The following CSMD1 variants were observed in gnomAD, a reference collection of about 807,000 sequenced individuals.
CSMD1 encodes the protein CUB and Sushi multiple domains 1.
CSMD1 carries 213 observed loss-of-function variants against 417.5 expected under a neutral mutation model. The ratio of observed to expected loss-of-function variants is 0.51; its 90% confidence interval spans 0.46 to 0.57. The LOEUF is 0.57. Among genes scored for constraint, CSMD1 ranks in the 20% least tolerant of loss-of-function variants. The pLI is 0.00. For missense variants in CSMD1, 6,923 were observed against 4,529.7 expected (o/e 1.53, Z -15.17); for synonymous variants, 2,862 against 1,736.8 (o/e 1.65, Z -16.11).
At chr8:4,813,499 T>C (rs1031862373) in intron 1 of CSMD1, among the ~76,000 whole-genome samples, 2 of 152,204 alleles carry the variant, frequency 1.3e-5, no homozygotes, top group Non-Finnish European at 2.9e-5. Flanking sequence ...GCTGTCTGAT[T>C]TGCTTTTTAT....
At chr8:4,155,378 G>C (rs541436885) in intron 3 of CSMD1, among the ~76,000 whole-genome samples, 30 of 152,178 alleles carry the variant, frequency 2.0e-4, no homozygotes, top group Non-Finnish European at 3.8e-4. Context: ...CTAATGCTCT[G>C]CTGTAGATCA....
chr8:4,090,338 C>T (rs967596780), intron 3 of CSMD1, among the ~76,000 whole-genome samples: 1 of 152,138 alleles, frequency 6.6e-6, no homozygotes, highest in Non-Finnish European at 1.5e-5. Flanking sequence ...AAACATGAGT[C>T]ATTATCTATC....
At chr8:3,507,413 A>G (rs141999920) in intron 10 of CSMD1, among the ~76,000 whole-genome samples, 9,070 of 152,222 alleles carry the variant, frequency 0.06, 682 homozygotes, top group East Asian at 0.2. Flanking sequence ...ATTGTTGGAC[A>G]TTTGGGTTGG....
intron 3 of CSMD1, among the ~76,000 whole-genome samples, chr8:4,097,257 C>T (rs1404771881): frequency 6.6e-6 from 1 of 152,064 alleles, no homozygotes; most frequent in East Asian, 1.9e-4. Context: ...AACTGGAAAT[C>T]AGAAAACTAG....
chr8:3,019,233 T>A (rs899421675), intron 51 of CSMD1, among the ~76,000 whole-genome samples: 7 of 152,086 alleles, frequency 4.6e-5, no homozygotes, highest in Non-Finnish European at 5.9e-5. Flanking sequence ...AATGTTATTT[T>A]TATTACCATC....
At chr8:4,627,189 C>T (rs1319439673) in intron 2 of CSMD1, among the ~76,000 whole-genome samples, 3 of 152,092 alleles carry the variant, frequency 2.0e-5, no homozygotes, top group Non-Finnish European at 4.4e-5. Flanking sequence ...TTTAGCTACT[C>T]TTAGAGGTTG....
At chr8:4,538,118 G>C (rs1403513729) in intron 2 of CSMD1, among the ~76,000 whole-genome samples, 1 of 151,788 alleles carries the variant, frequency 6.6e-6, no homozygotes, top group Non-Finnish European at 1.5e-5. Context: ...AAATAAAATA[G>C]ACCAGAGCCT....
intron 1 of CSMD1, among the ~76,000 whole-genome samples, chr8:4,832,133 T>A (rs1403484991): frequency 6.6e-6 from 1 of 152,178 alleles, no homozygotes; most frequent in Non-Finnish European, 1.5e-5. Flanking sequence ...GGCATGTATC[T>A]CTGTTTTCCT....
chr8:3,722,913 T>TTG (rs33949649), intron 6 of CSMD1, among the ~76,000 whole-genome samples: 108,900 of 151,636 alleles, frequency 0.72, 39,726 homozygotes, highest in South Asian at 0.85. Context: ...TAGCAAACTA[T>TTG]TGTGTGTGTG....
intron 2 of CSMD1, among the ~76,000 whole-genome samples, chr8:4,440,929 G>A (rs919347905): frequency 6.0e-5 from 9 of 150,940 alleles, no homozygotes; most frequent in African/African-American, 9.8e-5. Context: ...CCCGGGAGGC[G>A]GAGGTTGCAG....
At chr8:3,312,980 T>C (rs1805466301) in intron 23 of CSMD1, among the ~76,000 whole-genome samples, 1 of 152,232 alleles carries the variant, frequency 6.6e-6, no homozygotes, top group African/African-American at 2.4e-5. Context: ...CATTGTTTCC[T>C]AAAAATGTCA....
chr8:4,753,028 C>G (rs956517984), intron 1 of CSMD1, among the ~76,000 whole-genome samples: 2 of 152,124 alleles, frequency 1.3e-5, no homozygotes, highest in Non-Finnish European at 2.9e-5. Flanking sequence ...TTATCCAATG[C>G]ATAATAAGAG....
At chr8:4,585,840 T>C (rs995695381) in intron 2 of CSMD1, among the ~76,000 whole-genome samples, 3 of 152,134 alleles carry the variant, frequency 2.0e-5, no homozygotes, top group Non-Finnish European at 4.4e-5. Context: ...TCAGGTCGAA[T>C]AAAAATTATA....
At chr8:4,258,701 A>G (rs935561749) in intron 3 of CSMD1, among the ~76,000 whole-genome samples, 1 of 151,918 alleles carries the variant, frequency 6.6e-6, no homozygotes, top group African/African-American at 2.4e-5. Flanking sequence ...TCCAAATACC[A>G]TCACACTGGG....
chr8:3,709,683 T>TTTTTTTGTTTTTTTTTTTGTTTTTTTTTG (rs1801390683), intron 6 of CSMD1, among the ~76,000 whole-genome samples: 1 of 102,372 alleles, frequency 9.8e-6, no homozygotes, highest in African/African-American at 3.7e-5. Flanking sequence ...GCAGCATGTT[T>TTTTTTTGTTTTTTTTTTTGTTTTTTTTTG]TTTTTTTTTT....
chr8:3,587,133 A>T (rs1169345231), intron 8 of CSMD1, among the ~76,000 whole-genome samples: 2 of 152,234 alleles, frequency 1.3e-5, no homozygotes, highest in Admixed American at 6.5e-5. Context: ...TCCAGCCTGG[A>T]TTTAGAGAAA....
rs564122859 is a variant in CSMD1, at chr8:3,873,396, C to T, written c.819-119354G>A. 3.9e-5 allele frequency among the ~76,000 whole-genome samples: 6 copies of T among 152,210 alleles called. 1 individual carries two copies. The highest frequency in any genetic ancestry group is 3.3e-4 in the Admixed American group (5 of 15,288). On this transcript the variant is annotated intron_variant, in intron 5 of 69. Coordinates refer to ENST00000635120, the MANE Select transcript of CSMD1 (RefSeq NM_033225.6). ...ACATAAAAAAAAATGAGATCATGTC[C>T]TTGGCAGGCACATGGATGGAACTGG... is the stretch of plus-strand genomic sequence containing the variant.
Position 4,289,475 on chromosome 8 carries a change from A to G in CSMD1, c.415+130478T>C, listed in dbSNP as rs1376329949. On this transcript the variant is annotated intron_variant, in intron 3 of 69. Coordinates refer to ENST00000635120, the MANE Select transcript of CSMD1 (RefSeq NM_033225.6). Reference sequence around the variant, plus strand: ...GACTCCATCAAGTCCAGTAGTAGCCAGATTTGGACCACATAAACTGAGTTC... The same window carrying G: ...GACTCCATCAAGTCCAGTAGTAGCCGGATTTGGACCACATAAACTGAGTTC... Among the ~76,000 whole-genome samples, 7 of 152,338 alleles carry G rather than the reference A, an allele frequency of 4.6e-5. No homozygotes were observed. The East Asian group carries it at 9.7e-4, about 21-fold the overall frequency.
At chr8:3,635,293 G>T (rs769272832) in intron 7 of CSMD1, among the ~76,000 whole-genome samples, 1 of 151,910 alleles carries the variant, frequency 6.6e-6, no homozygotes, top group Non-Finnish European at 1.5e-5. Flanking sequence ...GGCCAAGATG[G>T]CAAAACCCCA....
Sources: allele counts gnomAD v4.1 joint callset (sites outside exome capture counted in the v4.1 genomes callset), GRCh38; gene constraint gnomAD v4.1.1; transcripts MANE v1.5; gene names NCBI Gene and HGNC (gene_info 2026-07-23, HGNC 2026-07-21).